ZNF841: variants seen among roughly 807,000 people sequenced by gnomAD.
ZNF841 encodes the protein TCONS_00006091.
In ZNF841, 11 loss-of-function variants were observed where a neutral mutation model predicts 13.0. The observed-to-expected ratio is 0.85, with a 90% CI of 0.53 to 1.40. The LOEUF (loss-of-function observed/expected upper bound fraction) is 1.40, where lower values mean the gene tolerates loss of function less well. ZNF841 is among the 40% of genes most tolerant of loss of function. The probability of loss-of-function intolerance (pLI) is 0.00; values close to 1 mark genes in which losing one functional copy is unlikely to be tolerated. For synonymous variants in ZNF841, 369 were observed against 381.6 expected (o/e 0.97, Z 0.38); for missense variants, 1,068 against 1,139.5 (o/e 0.94, Z 0.90).
rs534552708 is a variant in ZNF841 at position 52,073,834 on chromosome 19, T to C, written c.271+2210A>G. Among the ~76,000 whole-genome samples, 10 of 152,166 alleles carry C rather than the reference T, an allele frequency of 6.6e-5. No homozygotes were observed. The East Asian group carries it at 1.9e-3, about 29-fold the overall frequency. ...TTTGTTCCAAGAAAGAAAAAAACAG[T>C]GCAATTTGAACAAAACCCAGCAAGC... On this transcript the variant is annotated intron_variant, in intron 6 of 6. Coordinates refer to ENST00000594440, the MANE Select transcript of ZNF841 (RefSeq NM_001136499.2).
intron 4 of ZNF841, among the ~76,000 whole-genome samples, chr19:52,079,310 T>C (rs2088012947): frequency 1.3e-5 from 2 of 151,818 alleles, no homozygotes; most frequent in Admixed American, 6.6e-5. Context: ...CAAGATTAGG[T>C]GGTTTATAAG....
chr19:52,090,180 A>G (rs1420908153), intron 2 of ZNF841, among the ~76,000 whole-genome samples: 1 of 152,234 alleles, frequency 6.6e-6, no homozygotes, highest in East Asian at 1.9e-4. Context: ...TATTTGTAAT[A>G]GCATCAAAAG....
intron 3 of ZNF841, among the ~76,000 whole-genome samples, chr19:52,087,490 G>C (rs957868974): frequency 1.3e-5 from 2 of 152,050 alleles, no homozygotes; most frequent in Non-Finnish European, 2.9e-5. Flanking sequence ...TCCCGTGTTA[G>C]TTTGCTAAGG....
intron 4 of ZNF841, among the ~76,000 whole-genome samples, chr19:52,079,995 GAAAAAAAA>G (rs750531184): frequency 1.8e-5 from 2 of 111,006 alleles, no homozygotes; most frequent in Non-Finnish European, 3.7e-5. Context: ...CCATCTCAGG[GAAAAAAAA>G]AAAAAAAAAA....
chr19:52,076,293 T>C, intron 5 of ZNF841, 121 bp from the exon 6 acceptor site: 1 of 1,243,782 alleles, frequency 8.0e-7, no homozygotes, highest in Non-Finnish European at 1.1e-6. Flanking sequence ...CATCCATTGA[T>C]TGCCTCCTTC....
Position 52,085,773 on chromosome 19 carries a change from A to G in ZNF841, c.-77-895T>C, listed in dbSNP as rs987621076. ...GCAGGAAGGACACAGGGAGGAGATG[A>G]GGTCAGAGAGGTTCTGGGGAGCAGA... On this transcript the variant is annotated intron_variant, in intron 3 of 6. Transcript: ENST00000594440. 4.6e-4 allele frequency among the ~76,000 whole-genome samples: 70 copies of G among 152,180 alleles called. 1 individual carries two copies. Among genetic ancestry groups the G allele is most frequent in the African/African-American group, 1.7e-3 (69 of 41,434 alleles).
intron 4 of ZNF841, among the ~76,000 whole-genome samples, chr19:52,083,441 A>T (rs1600099063): frequency 6.6e-6 from 1 of 151,882 alleles, no homozygotes; most frequent in African/African-American, 2.4e-5. Flanking sequence ...AAAAAAAAAA[A>T]ATACTACTAT....
At chr19:52,059,920 G>A (rs974692817), downstream of ZNF841, among the ~76,000 whole-genome samples, 1 of 152,164 alleles carries the variant, frequency 6.6e-6, no homozygotes, top group African/African-American at 2.4e-5. Flanking sequence ...TTGCGTAGGA[G>A]TGTGACTTTT....
At position 52,066,495 on chromosome 19, in the gene ZNF841, C is replaced by T. The variant is rs1336728325; in HGVS notation, c.1387G>A (p.Gly463Ser). The change falls in exon 7 of 7, where the codon GGC (glycine) becomes AGC (serine). Residue 463 changes from glycine to serine, a missense_variant. By Grantham distance (56) the Gly-to-Ser change is moderately conservative. Transcript: ENST00000594440. ...CGTGAACGTTGAAAGAAGACCTTGCCACATTCATTACATTTGTAAGGTGTC... is the reference window on the plus strand; with the variant it reads ...CGTGAACGTTGAAAGAAGACCTTGCTACATTCATTACATTTGTAAGGTGTC... The part of the protein sequence containing the change: ...GETPYKCNEC[G>S]KVFFQRSRLA... The T allele has an allele frequency of 6.2e-7, 1 of 1,613,910 alleles. No individual in the cohort carries two copies. Among genetic ancestry groups the T allele is most frequent in the African/African-American group, 1.3e-5 (1 of 74,908 alleles).
chr19:52,076,290 T>A, intron 5 of ZNF841, 118 bp from the exon 6 acceptor site: 1 of 1,259,552 alleles, frequency 7.9e-7, no homozygotes, highest in South Asian at 1.5e-5. Flanking sequence ...ACTCATCCAT[T>A]GATTGCCTCC....
At chr19:52,079,899 G>A (rs547661754) in intron 4 of ZNF841, among the ~76,000 whole-genome samples, 1 of 151,660 alleles carries the variant, frequency 6.6e-6, no homozygotes, top group Non-Finnish European at 1.5e-5. Flanking sequence ...GCTGAGCCAG[G>A]AGGATCGCTT....
intron 5 of ZNF841, 169 bp from the exon 6 acceptor site, chr19:52,076,341 G>A (rs1223121930): frequency 1.3e-6 from 1 of 795,104 alleles, no homozygotes; most frequent in East Asian, 3.0e-5. Flanking sequence ...AAGATATCTA[G>A]CTCTCTCCCA....
chr19:52,069,999 T>A (rs1308230369), intron 6 of ZNF841, among the ~76,000 whole-genome samples: 1 of 152,334 alleles, frequency 6.6e-6, no homozygotes, highest in East Asian at 1.9e-4. Context: ...ATTAACTTGT[T>A]TAAAAAGTCT....
intron 3 of ZNF841, among the ~76,000 whole-genome samples, chr19:52,086,681 A>G (rs182933905): frequency 4.5e-4 from 69 of 152,384 alleles, no homozygotes; most frequent in African/African-American, 1.6e-3. Context: ...GCCATGAGTC[A>G]TTCCCACATT....
intron 1 of ZNF841, among the ~76,000 whole-genome samples, chr19:52,095,060 T>C (rs367844890): frequency 3.4e-4 from 51 of 152,186 alleles, no homozygotes; most frequent in African/African-American, 1.2e-3. Flanking sequence ...CACCCACACA[T>C]TCGGGAGGAA....
chr19:52,079,706 T>C (rs1466522584), intron 4 of ZNF841, among the ~76,000 whole-genome samples: 1 of 152,018 alleles, frequency 6.6e-6, no homozygotes, highest in Non-Finnish European at 1.5e-5. Context: ...GATAACATGA[T>C]TGTGGCCGGG....
chr19:52,062,871 AT>A (rs34996737), downstream of ZNF841, among the ~76,000 whole-genome samples: 28,278 of 120,056 alleles, frequency 0.24, 2,319 homozygotes, highest in South Asian at 0.47. Flanking sequence ...CTGTTGAGAA[AT>A]TTTTTTTTTT....
At chr19:52,058,661 C>T in the ZNF841 span, 1 of 152,746 alleles carries the variant, frequency 6.5e-6, no homozygotes, top group South Asian at 2.1e-4. Context: ...ACTGCTTAGA[C>T]AAATTGTCTA....
At chr19:52,073,315 T>TA in intron 6 of ZNF841, among the ~76,000 whole-genome samples, 1 of 152,104 alleles carries the variant, frequency 6.6e-6, no homozygotes, top group Non-Finnish European at 1.5e-5. Context: ...TTTTTTTTTT[T>TA]AGAGACAGGG....
Sources: gnomAD v4.1 joint callset for allele counts (sites outside exome capture counted in the v4.1 genomes callset) on GRCh38, gnomAD v4.1.1 for gene constraint, MANE v1.5 for transcripts, NCBI Gene and HGNC (gene_info 2026-07-23, HGNC 2026-07-21) for gene names.